The following PPP1R12A variants were observed in gnomAD, a reference collection of about 807,000 sequenced individuals.
PPP1R12A encodes the protein myosin binding subunit.
In PPP1R12A, 19 loss-of-function variants were observed where a neutral mutation model predicts 139.6. That is an observed-to-expected ratio of 0.14 (90% CI 0.09 to 0.20). The LOEUF is 0.20. Among genes scored for constraint, PPP1R12A ranks in the 10% least tolerant of loss-of-function variants. PPP1R12A has a pLI of 1.00. For synonymous variants in PPP1R12A, 427 were observed against 420.6 expected (o/e 1.02, Z -0.19); for missense variants, 925 against 1,211.5 (o/e 0.76, Z 3.51).
chr12:79,931,434 G>C (rs1270454132), intron 1 of PPP1R12A, among the ~76,000 whole-genome samples: 2 of 152,122 alleles, frequency 1.3e-5, no homozygotes, highest in African/African-American at 4.8e-5. Flanking sequence ...AACTGACTTG[G>C]AAGTCACTGG....
At chr12:79,894,275 G>T (rs1433931132) in intron 1 of PPP1R12A, among the ~76,000 whole-genome samples, 2 of 152,128 alleles carry the variant, frequency 1.3e-5, no homozygotes, top group Admixed American at 6.5e-5. Flanking sequence ...CGCACAGAAG[G>T]TTCTTAGTAA....
rs1869471848 is a variant in PPP1R12A at position 79,773,677 on chromosome 12, T to C, written c.*2252A>G. On this transcript the variant is annotated 3_prime_UTR_variant, in exon 25 of 25. Transcript: ENST00000450142. ...TGCATTTACAGATGTGCATGTACAA[T>C]GCTGTGCAAATTATCACAATATTAC... is the stretch of plus-strand genomic sequence containing the variant. 6.6e-6 allele frequency: 1 copy of C among 152,326 alleles called. No individual in the cohort carries two copies. The highest frequency in any genetic ancestry group is 1.9e-4 in the East Asian group (1 of 5,182). 9.4% of individuals were successfully genotyped at this position (152,326 alleles called of 1,614,324 possible). A position where few individuals can be genotyped will look rare whatever the true frequency, so the allele number is the denominator to read the frequency against.
At chr12:79,859,204 G>A (rs1881023507) in intron 2 of PPP1R12A, among the ~76,000 whole-genome samples, 1 of 151,984 alleles carries the variant, frequency 6.6e-6, no homozygotes, top group Non-Finnish European at 1.5e-5. Context: ...GGGCATGGTG[G>A]CACGTGCCTG....
At chr12:79,821,708 G>A (rs929227687) in intron 6 of PPP1R12A, among the ~76,000 whole-genome samples, 3 of 150,858 alleles carry the variant, frequency 2.0e-5, no homozygotes, top group African/African-American at 7.3e-5. Flanking sequence ...AGTTGAGATC[G>A]CGCCACTGTA....
chr12:79,790,726 T>C (rs893629053), intron 19 of PPP1R12A, among the ~76,000 whole-genome samples: 1 of 152,194 alleles, frequency 6.6e-6, no homozygotes, highest in Non-Finnish European at 1.5e-5. Flanking sequence ...GCAAGTGGTA[T>C]GCTACACTGA....
intron 3 of PPP1R12A, among the ~76,000 whole-genome samples, chr12:79,842,314 C>T (rs1878820614): frequency 6.6e-6 from 1 of 152,046 alleles, no homozygotes; most frequent in Admixed American, 6.6e-5. Flanking sequence ...CAAACGAAAA[C>T]AAAACAAAAC....
intron 18 of PPP1R12A, among the ~76,000 whole-genome samples, chr12:79,794,825 C>A (rs201972797): frequency 3.3e-5 from 5 of 151,992 alleles, no homozygotes; most frequent in African/African-American, 1.2e-4. Context: ...TGTACTGCTA[C>A]ATAAAATAGC....
At chr12:79,894,693 C>T (rs981944478) in intron 1 of PPP1R12A, among the ~76,000 whole-genome samples, 2 of 152,114 alleles carry the variant, frequency 1.3e-5, no homozygotes, top group African/African-American at 2.4e-5. Context: ...AAATCTATCA[C>T]GCACTCCTTT....
chr12:79,934,540 T>C (rs550740112), intron 1 of PPP1R12A, among the ~76,000 whole-genome samples, 155 bp downstream of exon 1: 117 of 152,130 alleles, frequency 7.7e-4, no homozygotes, highest in African/African-American at 2.4e-3. Context: ...CCACCAGCTC[T>C]CCCTCCCGCC....
rs1428997581 is a variant in PPP1R12A, at chr12:79,796,799, G to A, written c.2444C>T (p.Thr815Ile). 1 of 1,605,246 alleles carries A rather than the reference G, an allele frequency of 6.2e-7. No individual in the cohort carries two copies. The highest frequency in any genetic ancestry group is 8.5e-7 in the Non-Finnish European group (1 of 1,176,010). Residue 815 changes from threonine (T) to isoleucine (I), a missense_variant, in exon 17 of 25, where the codon ACA becomes ATA. Physicochemically the swap from Thr to Ile is moderately conservative, Grantham distance 89 (BLOSUM62 -1). This residue lies in a region of PPP1R12A where 315 missense variants were observed against 363.4 expected (regional missense o/e 0.87). Coordinates refer to ENST00000450142, the MANE Select transcript of PPP1R12A (RefSeq NM_002480.3). ...ATTCTTACCTCTTTCATTTTCTTTT[G>A]TTATTCCTCTGGAGTAAGCAGAAGT... Reference protein sequence around the residue: ...GITSAYSRGITKENEREGEKR... With the variant: ...GITSAYSRGIIKENEREGEKR...
Position 79,807,211 on chromosome 12 carries a change from G to A in PPP1R12A, c.1655+15C>T, listed in dbSNP as rs1873945348. On this transcript the variant is annotated intron_variant, in intron 12 of 24. Transcript: ENST00000450142. The stretch of plus-strand genomic sequence containing the variant: ...AAATGAATACATAAAAACCGCTTAA[G>A]AATAGTATTATTACCTTTTATGATA... 1 of 1,413,100 alleles carries A rather than the reference G, an allele frequency of 7.1e-7. No homozygotes were observed. The highest frequency in any genetic ancestry group is 9.6e-7 in the Non-Finnish European group (1 of 1,037,820). The allele number at this position is 1,413,100 out of a possible 1,614,324, so 87.5% of individuals were successfully genotyped here.
chr12:79,834,716 GTAGGAGAGAGAAC>G lies in PPP1R12A; in HGVS notation c.488-2238_488-2226del, dbSNP rs544603242. 2.9e-4 allele frequency among the ~76,000 whole-genome samples: 44 copies of G among 152,330 alleles called. No homozygotes were observed. The East Asian group carries it at 8.5e-3, about 29-fold the overall frequency. On this transcript the variant is annotated intron_variant, in intron 3 of 24. Coordinates refer to ENST00000450142, the MANE Select transcript of PPP1R12A (RefSeq NM_002480.3). ...AGTAATCAGTTGCATATCTAAGCCT[GTAGGAGAGAGAAC>G]TAGGGAAATAATAAAATAATATGCC... is the stretch of plus-strand genomic sequence containing the variant.
chr12:79,858,334 A>G (rs1880921557), intron 2 of PPP1R12A, among the ~76,000 whole-genome samples: 1 of 152,252 alleles, frequency 6.6e-6, no homozygotes. Flanking sequence ...ACCAAAAATT[A>G]TATTATAAAC....
chr12:79,875,319 A>G (rs1413605122), intron 1 of PPP1R12A, among the ~76,000 whole-genome samples: 1 of 152,188 alleles, frequency 6.6e-6, no homozygotes, highest in Non-Finnish European at 1.5e-5. Flanking sequence ...CCAAGAATGT[A>G]AAGTCTGTGC....
chr12:79,875,516 A>G (rs926835435), intron 1 of PPP1R12A, among the ~76,000 whole-genome samples: 2 of 152,196 alleles, frequency 1.3e-5, no homozygotes, highest in Non-Finnish European at 2.9e-5. Flanking sequence ...TTTCCTATCT[A>G]TGATAAACAA....
intron 1 of PPP1R12A, among the ~76,000 whole-genome samples, chr12:79,873,215 T>C (rs1241032500): frequency 6.6e-6 from 1 of 152,102 alleles, no homozygotes; most frequent in African/African-American, 2.4e-5. Context: ...GAAGACATTA[T>C]AATTAAGTAC....
chr12:79,899,833 A>G (rs1885471347), intron 1 of PPP1R12A, among the ~76,000 whole-genome samples: 2 of 152,222 alleles, frequency 1.3e-5, no homozygotes, highest in Admixed American at 1.3e-4. Flanking sequence ...ACCAACAATG[A>G]GAGTTCCAAT....
intron 1 of PPP1R12A, among the ~76,000 whole-genome samples, chr12:79,881,939 A>T: frequency 6.6e-6 from 1 of 152,200 alleles, no homozygotes; most frequent in Non-Finnish European, 1.5e-5. Context: ...CAAAGCCTGG[A>T]TGGCAGCACA....
At chr12:79,930,196 G>C (rs1436237409) in intron 1 of PPP1R12A, among the ~76,000 whole-genome samples, 1 of 152,076 alleles carries the variant, frequency 6.6e-6, no homozygotes, top group Non-Finnish European at 1.5e-5. Flanking sequence ...TGGCAAACGA[G>C]GGAGAGAGGA....
Sources: allele counts gnomAD v4.1 joint callset (sites outside exome capture counted in the v4.1 genomes callset), GRCh38; gene constraint gnomAD v4.1.1; regional missense constraint gnomAD v4.1.1; transcripts MANE v1.5; gene names NCBI Gene and HGNC (gene_info 2026-07-23, HGNC 2026-07-21).